The following DAAM2 variants were observed in gnomAD, a reference collection of about 807,000 sequenced individuals.
DAAM2 encodes the protein dishevelled associated activator of morphogenesis 2.
Under a neutral mutation model 120.7 loss-of-function variants are expected in DAAM2, and 39 were observed. The observed-to-expected ratio is 0.32, with a 90% CI of 0.25 to 0.42. DAAM2 has a LOEUF of 0.42. Among genes scored for constraint, DAAM2 ranks in the 10% least tolerant of loss-of-function variants. The pLI, the probability that DAAM2 is intolerant of heterozygous loss-of-function variation, is 1.00. For synonymous variants in DAAM2, 488 were observed against 524.9 expected (o/e 0.93, Z 0.96); for missense variants, 1,283 against 1,401.7 (o/e 0.92, Z 1.35).
At chr6:39,843,784 A>G (rs1763449123) in intron 1 of DAAM2, among the ~76,000 whole-genome samples, 1 of 152,106 alleles carries the variant, frequency 6.6e-6, no homozygotes, top group African/African-American at 2.4e-5. Flanking sequence ...GAGTAGGTAC[A>G]GGGTTTGGTC....
rs1400399303 is a variant in DAAM2, at chr6:39,888,662, G to A, written c.2061-17G>A. The A allele has an allele frequency of 4.3e-6, 7 of 1,612,238 alleles. No homozygotes were observed. Among genetic ancestry groups the A allele is most frequent in the Admixed American group, 3.3e-5 (2 of 59,980 alleles). ...GGTTTGAGGGCTGTCCTGGATTGAG[G>A]TGGGGTTTTGCCTTAGGTTGAAGCT... On this transcript the variant is annotated splice_polypyrimidine_tract_variant and intron_variant, in intron 16 of 24. Transcript: ENST00000274867.
At chr6:39,831,305 G>T (rs992112954) in intron 1 of DAAM2, among the ~76,000 whole-genome samples, 5 of 152,000 alleles carry the variant, frequency 3.3e-5, no homozygotes, top group African/African-American at 1.2e-4. Flanking sequence ...TGCTGGGAGC[G>T]GGGCTGCTAT....
Position 39,901,170 on chromosome 6 carries a change from G to T in DAAM2, c.2812-132G>T. 1 of 767,228 alleles carries T rather than the reference G, an allele frequency of 1.3e-6. No individual in the cohort carries two copies. The allele number at this position is 767,228 out of a possible 1,614,324, so 47.5% of individuals were successfully genotyped here. A position where few individuals can be genotyped will look rare whatever the true frequency, so the allele number is the denominator to read the frequency against. On this transcript the variant is annotated intron_variant, in intron 23 of 24. Transcript: ENST00000274867. This position sits in a 1 kb window ranked among gnomAD's most constrained non-coding sequence, Gnocchi z 4.5. ...TGGGGGTGTCTTCTCACCTCTTCCA[G>T]CCCTGCCCCCTGTGCCAACAGTCCC...
At chr6:39,805,468 C>A (rs1052937170) in intron 1 of DAAM2, among the ~76,000 whole-genome samples, 1 of 152,022 alleles carries the variant, frequency 6.6e-6, no homozygotes, top group African/African-American at 2.4e-5. Flanking sequence ...TATTATACTA[C>A]ATGGTGTTAC....
At chr6:39,875,205 A>T (rs1764820262) in intron 10 of DAAM2, 125 bp from the exon 11 acceptor site, 1 of 1,015,302 alleles carries the variant, frequency 9.8e-7, no homozygotes, top group South Asian at 1.6e-5. Flanking sequence ...CTTCTTCTAG[A>T]CTGGGAGCTT....
chr6:39,887,655 G>A, intron 16 of DAAM2, 63 bp downstream of exon 16: 1 of 1,109,736 alleles, frequency 9.0e-7, no homozygotes, highest in East Asian at 2.5e-5. Context: ...GAGGAACGGA[G>A]TGGTGGCAGT....
rs990687247 is a variant in DAAM2 at position 39,878,912 on chromosome 6, C to A, written c.1546-266C>A. 3.3e-5 allele frequency among the ~76,000 whole-genome samples: 5 copies of A among 152,090 alleles called. No individual in the cohort carries two copies. Among genetic ancestry groups the A allele is most frequent in the Non-Finnish European group, 7.4e-5 (5 of 68,012 alleles). ...TACACAACTGCATAGATCAGTCCTGCTGTTGCATTGTGATGGCTATGACTC... is the reference window on the plus strand; with the variant it reads ...TACACAACTGCATAGATCAGTCCTGATGTTGCATTGTGATGGCTATGACTC... On this transcript the variant is annotated intron_variant, in intron 13 of 24. Transcript: ENST00000274867. This position sits in a 1 kb window ranked among gnomAD's most constrained non-coding sequence, Gnocchi z 5.0.
At chr6:39,860,474 G>A (rs1764166985) in intron 2 of DAAM2, among the ~76,000 whole-genome samples, 1 of 152,200 alleles carries the variant, frequency 6.6e-6, no homozygotes, top group Admixed American at 6.5e-5. Context: ...GTGAAGGATG[G>A]GGCAAGAATC....
chr6:39,865,218 A>C, intron 5 of DAAM2, 144 bp downstream of exon 5: 1 of 627,722 alleles, frequency 1.6e-6, no homozygotes, highest in Non-Finnish European at 2.9e-6. Flanking sequence ...CCCAGCCCCT[A>C]CTCCTCTCCT....
In DAAM2 at chr6:39,870,343, A is replaced by C. The variant is rs1764607423; in HGVS notation, c.877A>C (p.Asn293His). ...AVLNAGAGED[N>H]LEFRLHLRYE... is the part of the protein sequence containing the mutation. ...GCCCTCCCTTGGTGACCCCCAGGAT[A>C]ATCTGGAGTTCCGCCTACATCTACG... Residue 293 changes from asparagine to histidine, a missense_variant, in exon 8 of 25, where the codon AAT becomes CAT. This residue lies in a region of DAAM2 where 338 missense variants were observed against 443.9 expected (regional missense o/e 0.76). Transcript: ENST00000274867. 6.4e-7 allele frequency: 1 copy of C among 1,565,036 alleles called. No homozygotes were observed. Among genetic ancestry groups the C allele is most frequent in the Non-Finnish European group, 8.7e-7 (1 of 1,151,992 alleles).
intron 1 of DAAM2, among the ~76,000 whole-genome samples, chr6:39,806,793 A>G (rs1212735361): frequency 3.3e-5 from 5 of 151,644 alleles, no homozygotes; most frequent in Admixed American, 6.6e-5. Context: ...AGGGAAATAC[A>G]TAAATTAAAA....
chr6:39,833,583 C>T (rs1444572967), intron 1 of DAAM2, among the ~76,000 whole-genome samples: 1 of 152,214 alleles, frequency 6.6e-6, no homozygotes, highest in East Asian at 1.9e-4. Flanking sequence ...GCTGAGATTA[C>T]AGGCTTGAGC....
chr6:39,841,945 G>C (rs1415011100), intron 1 of DAAM2, among the ~76,000 whole-genome samples: 6 of 152,136 alleles, frequency 3.9e-5, no homozygotes, highest in South Asian at 2.1e-4. Context: ...ACAGAGAGGA[G>C]GGGGAAATTA....
rs1386081381 is a variant in DAAM2 at position 39,879,481 on chromosome 6, A to C, written c.1845+4A>C. On this transcript the variant is annotated splice_donor_region_variant and intron_variant, in intron 14 of 24. Transcript: ENST00000274867. ...CAACTGGGTGAAGCTGAATGAGGTGAGCATCTGGGAAGGGGCTGGAGGGCC... is the reference window on the plus strand; with the variant it reads ...CAACTGGGTGAAGCTGAATGAGGTGCGCATCTGGGAAGGGGCTGGAGGGCC... 6.2e-7 allele frequency: 1 copy of C among 1,613,896 alleles called. No individual in the cohort carries two copies. Among genetic ancestry groups the C allele is most frequent in the African/African-American group, 1.3e-5 (1 of 74,936 alleles).
chr6:39,811,989 T>A (rs954756561), intron 1 of DAAM2, among the ~76,000 whole-genome samples: 1 of 152,172 alleles, frequency 6.6e-6, no homozygotes, highest in Non-Finnish European at 1.5e-5. Context: ...AACCCACACA[T>A]TTACTCCTTG....
chr6:39,879,259 C>A lies in DAAM2; in HGVS notation c.1627C>A (p.Pro543Thr). The change falls in exon 14 of 25, where the codon CCC becomes ACC. Residue 543 changes from proline (P) to threonine (T), a missense_variant. Physicochemically the swap from Pro to Thr is conservative, Grantham distance 38. Coordinates refer to ENST00000274867, the MANE Select transcript of DAAM2 (RefSeq NM_001201427.2). ...AATGACAACCAATGACCTGCCTCCA[C>A]CCCCTCCTCCTCTGCCCTTTGCCTG... Reference protein sequence around the residue: ...SSMTTNDLPPPPPPLPFACCP... With the variant: ...SSMTTNDLPPTPPPLPFACCP... 2 of 1,533,730 alleles carry A rather than the reference C, an allele frequency of 1.3e-6. No individual in the cohort carries two copies. The highest frequency in any genetic ancestry group is 1.4e-5 in the African/African-American group (1 of 73,088).
In DAAM2 at chr6:39,902,609, G is replaced by T. The variant is rs1361565923; in HGVS notation, c.*572G>T. On this transcript the variant is annotated 3_prime_UTR_variant, in exon 25 of 25. Coordinates refer to ENST00000274867, the MANE Select transcript of DAAM2 (RefSeq NM_001201427.2). The stretch of plus-strand genomic sequence containing the variant: ...TGGTAGGTTCCAGAGAACAGTCAAT[G>T]TTGGAAGGATGATGCAGGGACCAAA... The T allele has an allele frequency of 6.6e-6, 1 of 152,388 alleles. No homozygotes were observed. Among genetic ancestry groups the T allele is most frequent in the Non-Finnish European group, 1.5e-5 (1 of 68,152 alleles). 9.4% of individuals were successfully genotyped at this position (152,388 alleles called of 1,614,324 possible). A position where few individuals can be genotyped will look rare whatever the true frequency, so the allele number is the denominator to read the frequency against.
chr6:39,899,153 G>A (rs1562066556), intron 22 of DAAM2: 2 of 560,830 alleles, frequency 3.6e-6, no homozygotes, highest in East Asian at 6.0e-5. Flanking sequence ...GTCCAACTTG[G>A]TATCTATTTG....
At chr6:39,891,490 TGGCAGGTGG>T (rs764766532) in intron 18 of DAAM2, 43 bp downstream of exon 18, 11 of 1,548,072 alleles carry the variant, frequency 7.1e-6, no homozygotes, top group Non-Finnish European at 8.8e-6. Context: ...GGTGGGGTTC[TGGCAGGTGG>T]GGCAGGTGGG....
Sources: gnomAD v4.1 joint callset for allele counts (sites outside exome capture counted in the v4.1 genomes callset) on GRCh38, gnomAD v4.1.1 for gene constraint, gnomAD v4.1.1 regional missense constraint, Gnocchi (gnomAD v3.1) non-coding constraint, MANE v1.5 for transcripts, NCBI Gene and HGNC (gene_info 2026-07-23, HGNC 2026-07-21) for gene names.